The following COL7A1 variants were observed in gnomAD, a reference collection of about 807,000 sequenced individuals.
COL7A1 encodes the protein collagen type VII alpha 1 chain, also known as collagen alpha-1(VII) chain.
COL7A1 carries 296 observed loss-of-function variants against 456.2 expected under a neutral mutation model. The ratio of observed to expected loss-of-function variants is 0.65; its 90% CI spans 0.59 to 0.71. COL7A1 has a LOEUF of 0.71. Among genes scored for constraint, COL7A1 ranks in the 30% least tolerant of loss-of-function variants. The pLI is 0.00. For synonymous variants in COL7A1, 1,464 were observed against 1,525.9 expected (o/e 0.96, Z 0.95); for missense variants, 3,441 against 4,017.2 (o/e 0.86, Z 3.88).
intron 65 of COL7A1, among the ~76,000 whole-genome samples, chr3:48,577,951 T>C (rs913456194): frequency 1.5e-4 from 23 of 152,320 alleles, no homozygotes; most frequent in African/African-American, 4.8e-4. Flanking sequence ...GCGGATCACC[T>C]GAGGTCAGTT....
At position 48,585,619 on chromosome 3, in the gene COL7A1, C is replaced by A. The variant is rs780281438; in HGVS notation, c.3832G>T (p.Gly1278Cys). The change falls in exon 32 of 119, where the codon GGC becomes TGC. Residue 1278 changes from glycine (G) to cysteine (C), a missense_variant and splice_region_variant. By Grantham distance (159) the Gly-to-Cys change is radical. Coordinates refer to ENST00000681320, the MANE Select transcript of COL7A1 (RefSeq NM_000094.4). This position sits in a 1 kb window ranked among gnomAD's most constrained non-coding sequence, Gnocchi z 4.5. Reference protein sequence around the residue: ...VGPPGDPGLPGRTGAPGPQGP... With the variant: ...VGPPGDPGLPCRTGAPGPQGP... Reference sequence around the variant, plus strand: ...TGGGGGCCGGGAGCACCGGTCCTGCCCTGAAAGAAGATAGCAGTTAGGTGG... The same window carrying A: ...TGGGGGCCGGGAGCACCGGTCCTGCACTGAAAGAAGATAGCAGTTAGGTGG... The A allele has an allele frequency of 6.2e-7, 1 of 1,614,032 alleles. No individual in the cohort carries two copies. Among genetic ancestry groups the A allele is most frequent in the Admixed American group, 1.7e-5 (1 of 60,022 alleles).
Position 48,567,388 on chromosome 3 carries a change from C to T in COL7A1, c.8046+186G>A. 2.1e-6 allele frequency: 2 copies of T among 959,948 alleles called. No individual in the cohort carries two copies. The highest frequency in any genetic ancestry group is 2.8e-5 in the South Asian group (2 of 72,138). The allele number at this position is 959,948 out of a possible 1,614,324, so 59.5% of individuals were successfully genotyped here. On this transcript the variant is annotated intron_variant, in intron 109 of 118. Coordinates refer to ENST00000681320, the MANE Select transcript of COL7A1 (RefSeq NM_000094.4). The surrounding 1 kb of genome is among the most constrained non-coding windows in gnomAD (Gnocchi z 4.3). The stretch of plus-strand genomic sequence containing the variant: ...CTGATGCACATGCCCCCTCCACCTC[C>T]CATGCTTTCATCCTAACTCCACTGT...
Position 48,572,167 on chromosome 3 carries a change from G to C in COL7A1, c.6983C>G (p.Ala2328Gly), listed in dbSNP as rs751237827. 7.4e-6 allele frequency: 12 copies of C among 1,613,934 alleles called. No individual in the cohort carries two copies. The Admixed American group carries it at 1.5e-4, about 20-fold the overall frequency. The change falls in exon 91 of 119, where the codon GCC becomes GGC. Residue 2328 changes from alanine to glycine, a missense_variant. Around this residue, in one of 3 missense-constraint regions of COL7A1, gnomAD observed 2,084 missense variants for 2,501.3 expected, o/e 0.83. Transcript: ENST00000681320. This position sits in a 1 kb window ranked among gnomAD's most constrained non-coding sequence, Gnocchi z 4.6. ...CCCTGGCAGTCCTCGGTCACCTTTGGCTCCCTGTTGACAGAGGTCAGGAGG... is the reference window on the plus strand; with the variant it reads ...CCCTGGCAGTCCTCGGTCACCTTTGCCTCCCTGTTGACAGAGGTCAGGAGG... ...LAGDLVGEPG[A>G]KGDRGLPGPR...
Position 48,572,238 on chromosome 3 carries a change from A to G in COL7A1, c.6979-67T>C, listed in dbSNP as rs1009521964. On this transcript the variant is annotated intron_variant, in intron 90 of 118. Transcript: ENST00000681320. The surrounding 1 kb of genome is among the most constrained non-coding windows in gnomAD (Gnocchi z 4.6). Reference sequence around the variant, plus strand: ...GAAAGATGAGACTCCGGAGGGAGGCATGGGGCCAGAGCTTAAATATGCGGT... The same window carrying G: ...GAAAGATGAGACTCCGGAGGGAGGCGTGGGGCCAGAGCTTAAATATGCGGT... The G allele has an allele frequency of 9.3e-6, 15 of 1,612,820 alleles. No homozygotes were observed. Among genetic ancestry groups the G allele is most frequent in the Non-Finnish European group, 1.3e-5 (15 of 1,178,872 alleles).
chr3:48,589,249 C>A (rs1575482167), intron 18 of COL7A1, 78 bp downstream of exon 18: 2 of 1,599,642 alleles, frequency 1.3e-6, no homozygotes, highest in Non-Finnish European at 1.7e-6. Context: ...GGGGTGGAGG[C>A]AGCTGGGCAA....
rs945074028 is a variant in COL7A1, at chr3:48,591,283, G to A, written c.1636+181C>T. 6.6e-6 allele frequency among the ~76,000 whole-genome samples: 1 copy of A among 152,124 alleles called. No homozygotes were observed. Among genetic ancestry groups the A allele is most frequent in the East Asian group, 1.9e-4 (1 of 5,202 alleles). ...GAGGAGATTGGTTGGGGTAGGGTAG[G>A]GGCAGACACACCCTGTTGACAGTTC... On this transcript the variant is annotated intron_variant, in intron 13 of 118. Coordinates refer to ENST00000681320, the MANE Select transcript of COL7A1 (RefSeq NM_000094.4). This position sits in a 1 kb window ranked among gnomAD's most constrained non-coding sequence, Gnocchi z 7.0.
Position 48,583,359 on chromosome 3 carries a change from C to A in COL7A1, c.4437+34G>T, listed in dbSNP as rs374723425. 60 of 1,613,820 alleles carry A rather than the reference C, an allele frequency of 3.7e-5. No individual in the cohort carries two copies. The highest frequency in any genetic ancestry group is 4.8e-5 in the Non-Finnish European group (57 of 1,179,876). The stretch of plus-strand genomic sequence containing the variant: ...ACACCATGGGGAGCCCAGAGTAGCA[C>A]CCCTCACACCTGAATCCCCCAACTG... On this transcript the variant is annotated intron_variant, in intron 42 of 118. Coordinates refer to ENST00000681320, the MANE Select transcript of COL7A1 (RefSeq NM_000094.4). The surrounding 1 kb of genome is among the most constrained non-coding windows in gnomAD (Gnocchi z 5.1).
In COL7A1 at chr3:48,569,911, G is replaced by C. The variant is rs1386599954; in HGVS notation, c.7490C>G (p.Pro2497Arg). The C allele has an allele frequency of 6.2e-7, 1 of 1,613,794 alleles. No homozygotes were observed. Among genetic ancestry groups the C allele is most frequent in the Non-Finnish European group, 8.5e-7 (1 of 1,179,916 alleles). ...CCCACGCTCTCCCCTGCTGCCAGGG[G>C]GCCCCTGTGTGAGAGAAGGTGACCG... is the stretch of plus-strand genomic sequence containing the variant. ...GQEGPRGLTG[P>R]PGSRGERGEK... Residue 2497 changes from proline to arginine, a missense_variant, in exon 100 of 119, where the codon CCC (proline) becomes CGC (arginine). Physicochemically the swap from Pro to Arg is moderately radical, Grantham distance 103. Coordinates refer to ENST00000681320, the MANE Select transcript of COL7A1 (RefSeq NM_000094.4). This position sits in a 1 kb window ranked among gnomAD's most constrained non-coding sequence, Gnocchi z 4.9.
In COL7A1 at chr3:48,588,676, G is replaced by T. The variant is rs577279100; in HGVS notation, c.2553C>A (p.Arg851=). The stretch of plus-strand genomic sequence containing the variant: ...CAACAATGGAGACAGGTGTGCCCTC[G>T]CGGTCCCCGACAAGTGCAGTCACTC... ...SVRVTALVGD[R]EGTPVSIVVT... is the part of the protein sequence containing the mutation. The change falls in exon 20 of 119, where the codon CGC becomes CGA. Residue 851 remains arginine, a synonymous_variant. Coordinates refer to ENST00000681320, the MANE Select transcript of COL7A1 (RefSeq NM_000094.4). The surrounding 1 kb of genome is among the most constrained non-coding windows in gnomAD (Gnocchi z 4.6). The T allele has an allele frequency of 3.7e-5, 60 of 1,613,826 alleles. No homozygotes were observed. The Admixed American group carries it at 4.3e-4, about 12-fold the overall frequency.
Position 48,581,185 on chromosome 3 carries a change from T to G in COL7A1, c.4900-28A>C, listed in dbSNP as rs767414284. On this transcript the variant is annotated intron_variant, in intron 52 of 118. Coordinates refer to ENST00000681320, the MANE Select transcript of COL7A1 (RefSeq NM_000094.4). The surrounding 1 kb of genome is among the most constrained non-coding windows in gnomAD (Gnocchi z 5.8). Reference sequence around the variant, plus strand: ...GTGAAACATGAGAGTCAGCCCTGGTTCCAAGAACCCCCATGATGCTGGCAA... The same window carrying G: ...GTGAAACATGAGAGTCAGCCCTGGTGCCAAGAACCCCCATGATGCTGGCAA... 5 of 1,613,246 alleles carry G rather than the reference T, an allele frequency of 3.1e-6. No individual in the cohort carries two copies. In the East Asian group the frequency reaches 1.1e-4, roughly 36 times the overall value.
At position 48,580,305 on chromosome 3, in the gene COL7A1, C is replaced by T. The variant is rs2044652657; in HGVS notation, c.5092G>A (p.Glu1698Lys). Residue 1698 changes from glutamate (E) to lysine (K), a missense_variant, in exon 56 of 119, where the codon GAG becomes AAG. Around this residue, in one of 3 missense-constraint regions of COL7A1, gnomAD observed 2,084 missense variants for 2,501.3 expected, o/e 0.83. Coordinates refer to ENST00000681320, the MANE Select transcript of COL7A1 (RefSeq NM_000094.4). This position sits in a 1 kb window ranked among gnomAD's most constrained non-coding sequence, Gnocchi z 4.5. ...GSSGPKGDRG[E>K]PGPPGPPGRL... ...AGGACACCAGCCCTACTCACCGGCT[C>T]CCCACGGTCACCCTTGGGTCCAGAT... 6.2e-6 allele frequency: 10 copies of T among 1,610,316 alleles called. No homozygotes were observed. In the Admixed American group the frequency reaches 1.0e-4, roughly 16 times the overall value.
In COL7A1 at chr3:48,566,142, T is replaced by C. The variant is rs1230031896; in HGVS notation, c.8407+125A>G. On this transcript the variant is annotated intron_variant, in intron 114 of 118. Coordinates refer to ENST00000681320, the MANE Select transcript of COL7A1 (RefSeq NM_000094.4). The surrounding 1 kb of genome is among the most constrained non-coding windows in gnomAD (Gnocchi z 5.9). ...ATGTGTCAGTCCTGCAGCACATGTG[T>C]CCTTCTGTGTATCCATCCATCCCCC... is the stretch of plus-strand genomic sequence containing the variant. 2.0e-6 allele frequency: 2 copies of C among 1,008,624 alleles called. No individual in the cohort carries two copies. Among genetic ancestry groups the C allele is most frequent in the East Asian group, 2.6e-5 (1 of 38,488 alleles). The allele number at this position is 1,008,624 out of a possible 1,614,324, so 62.5% of individuals were successfully genotyped here.
rs2107789770 is a variant in COL7A1, at chr3:48,591,908, C to T, written c.1347G>A (p.Arg449=). ...TTCCCCCGCACTGACCAGTCTCACG[C>T]CGCCATTCCAACCGGTAGCCACGGG... The part of the protein sequence containing the change: ...PEARGYRLEW[R]RETGLEPPQK... The change falls in exon 11 of 119, where the codon CGG becomes CGA. Residue 449 remains arginine, a synonymous_variant. Coordinates refer to ENST00000681320, the MANE Select transcript of COL7A1 (RefSeq NM_000094.4). The surrounding 1 kb of genome is among the most constrained non-coding windows in gnomAD (Gnocchi z 7.0). 6.2e-7 allele frequency: 1 copy of T among 1,614,200 alleles called. No individual in the cohort carries two copies. The highest frequency in any genetic ancestry group is 8.5e-7 in the Non-Finnish European group (1 of 1,180,036).
Position 48,571,340 on chromosome 3 carries a change from G to C in COL7A1, c.7069-62C>G. 6.3e-7 allele frequency: 1 copy of C among 1,592,362 alleles called. No homozygotes were observed. Among genetic ancestry groups the C allele is most frequent in the Non-Finnish European group, 8.6e-7 (1 of 1,161,116 alleles). On this transcript the variant is annotated intron_variant, in intron 92 of 118. Transcript: ENST00000681320. This position sits in a 1 kb window ranked among gnomAD's most constrained non-coding sequence, Gnocchi z 4.6. Reference sequence around the variant, plus strand: ...GAACATGAGCACAGAGTTCAGACACGGGCTGAAAATATTCCCAGGGGAGTT... The same window carrying C: ...GAACATGAGCACAGAGTTCAGACACCGGCTGAAAATATTCCCAGGGGAGTT...
Position 48,579,973 on chromosome 3 carries a change from G to A in COL7A1, c.5124+58C>T. 6.2e-7 allele frequency: 1 copy of A among 1,612,390 alleles called. No individual in the cohort carries two copies. Among genetic ancestry groups the A allele is most frequent in the Non-Finnish European group, 8.5e-7 (1 of 1,178,520 alleles). On this transcript the variant is annotated intron_variant, in intron 57 of 118. Coordinates refer to ENST00000681320, the MANE Select transcript of COL7A1 (RefSeq NM_000094.4). This position sits in a 1 kb window ranked among gnomAD's most constrained non-coding sequence, Gnocchi z 4.4. ...TGGAAGGAATGAGGGGACATGATGT[G>A]GAGCCAAAGGGGCAAGTGAGAACAA...
Position 48,592,978 on chromosome 3 carries a change from G to A in COL7A1, c.683-40C>T, listed in dbSNP as rs2045817061. 4 of 1,612,940 alleles carry A rather than the reference G, an allele frequency of 2.5e-6. No homozygotes were observed. Among genetic ancestry groups the A allele is most frequent in the Non-Finnish European group, 3.4e-6 (4 of 1,179,794 alleles). ...TCAGGGGATCAGGCAGGAGGATTGG[G>A]GTGGGCATGTATGATGCAGAGTTGG... On this transcript the variant is annotated intron_variant, in intron 6 of 118. Transcript: ENST00000681320. The surrounding 1 kb of genome is among the most constrained non-coding windows in gnomAD (Gnocchi z 7.6).
chr3:48,572,560 T>TTCCTCC lies in COL7A1; in HGVS notation c.6901-28_6901-23dup, dbSNP rs758379874. The TTCCTCC allele has an allele frequency of 1.9e-6, 3 of 1,613,288 alleles. No homozygotes were observed. The South Asian group carries it at 3.3e-5, about 18-fold the overall frequency. On this transcript the variant is annotated intron_variant, in intron 88 of 118. Coordinates refer to ENST00000681320, the MANE Select transcript of COL7A1 (RefSeq NM_000094.4). This position sits in a 1 kb window ranked among gnomAD's most constrained non-coding sequence, Gnocchi z 4.6. ...CAGCCTGTGGGGAATGCTAGTGAGT[T>TTCCTCC]TCCTCCTCCTCCCCCGCCCCCACCC...
In COL7A1 at chr3:48,568,761, C is replaced by A; in HGVS notation, c.7758+23G>T. On this transcript the variant is annotated intron_variant, in intron 104 of 118. Coordinates refer to ENST00000681320, the MANE Select transcript of COL7A1 (RefSeq NM_000094.4). The surrounding 1 kb of genome is among the most constrained non-coding windows in gnomAD (Gnocchi z 5.2). The stretch of plus-strand genomic sequence containing the variant: ...TGCTGGCTCTGGACCTGGGCCTGGG[C>A]CTGGGCCTGGGGCAGAACTTGCCTG... 6.4e-7 allele frequency: 1 copy of A among 1,557,774 alleles called. No individual in the cohort carries two copies. Among genetic ancestry groups the A allele is most frequent in the African/African-American group, 1.4e-5 (1 of 73,682 alleles).
At position 48,592,043 on chromosome 3, in the gene COL7A1, C is replaced by T; in HGVS notation, c.1241-29G>A. The T allele has an allele frequency of 2.5e-6, 4 of 1,614,166 alleles. No individual in the cohort carries two copies. Among genetic ancestry groups the T allele is most frequent in the Non-Finnish European group, 3.4e-6 (4 of 1,180,016 alleles). On this transcript the variant is annotated intron_variant, in intron 10 of 118. Coordinates refer to ENST00000681320, the MANE Select transcript of COL7A1 (RefSeq NM_000094.4). The surrounding 1 kb of genome is among the most constrained non-coding windows in gnomAD (Gnocchi z 7.6). ...CCCAGGGCACATGGGATGTCAGTGG[C>T]CTCCGGGCCTTGCCCTGCCTGCCCG...
Sources: allele counts gnomAD v4.1 joint callset (sites outside exome capture counted in the v4.1 genomes callset), GRCh38; gene constraint gnomAD v4.1.1; regional missense constraint gnomAD v4.1.1; non-coding constraint Gnocchi (gnomAD v3.1); transcripts MANE v1.5; gene names NCBI Gene and HGNC (gene_info 2026-07-23, HGNC 2026-07-21).